MLIP: variants seen among roughly 807,000 people sequenced by gnomAD.
The protein encoded by MLIP is muscular LMNA interacting protein, also known as muscular LMNA-interacting protein.
Under a neutral mutation model 84.8 loss-of-function variants are expected in MLIP, and 79 were observed. That is an observed-to-expected ratio of 0.93 (90% CI 0.78 to 1.12). The LOEUF (loss-of-function observed/expected upper bound fraction) is 1.12. Ranked by LOEUF, MLIP falls within the 50% of genes most tolerant of loss-of-function variation. The probability of loss-of-function intolerance (pLI) is 0.00; values close to 1 mark genes in which losing one functional copy is unlikely to be tolerated. For synonymous variants in MLIP, 504 were observed against 463.0 expected, an observed-to-expected ratio of 1.09 and a Z score of -1.14; for missense variants, 1,257 against 1,160.6, an observed-to-expected ratio of 1.08 and a Z score of -1.21.
At chr6:54,240,198 T>C (rs538290912) in intron 12 of MLIP, among the ~76,000 whole-genome samples, 1 of 152,374 alleles carries the variant, frequency 6.6e-6, no homozygotes, top group East Asian at 1.9e-4. Context: ...TATATGAAAG[T>C]AAAACTGTCA....
intron 3 of MLIP, among the ~76,000 whole-genome samples, chr6:54,133,265 A>G (rs1771532774): frequency 6.6e-6 from 1 of 152,184 alleles, no homozygotes; most frequent in Non-Finnish European, 1.5e-5. Flanking sequence ...GGCTGCAACT[A>G]CAAGTAAGAA....
chr6:54,155,099 T>C (rs1034438637), intron 5 of MLIP, among the ~76,000 whole-genome samples: 4 of 152,158 alleles, frequency 2.6e-5, no homozygotes, highest in Non-Finnish European at 5.9e-5. Context: ...CAGTTCTTGA[T>C]ATTTTTAAAC....
intron 11 of MLIP, among the ~76,000 whole-genome samples, chr6:54,219,439 A>G (rs1780083068): frequency 7.1e-6 from 1 of 141,122 alleles, no homozygotes; most frequent in Admixed American, 7.7e-5. Flanking sequence ...ATCACAAGAC[A>G]TCACTCTGCA....
intron 11 of MLIP, among the ~76,000 whole-genome samples, chr6:54,224,603 A>C (rs1780450196): frequency 6.6e-6 from 1 of 151,958 alleles, no homozygotes; most frequent in South Asian, 2.1e-4. Context: ...TTTTTACATA[A>C]GTTATTGGGG....
intron 3 of MLIP, among the ~76,000 whole-genome samples, chr6:54,134,447 T>C (rs1377627666): frequency 6.6e-6 from 1 of 151,774 alleles, no homozygotes; most frequent in Non-Finnish European, 1.5e-5. Flanking sequence ...TATTAATATA[T>C]TAAGAAAATA....
At chr6:54,211,348 T>C (rs1467477328) in intron 11 of MLIP, among the ~76,000 whole-genome samples, 4 of 152,188 alleles carry the variant, frequency 2.6e-5, no homozygotes, top group Non-Finnish European at 5.9e-5. Context: ...AATAGAGTTG[T>C]TTTTCTCTCT....
chr6:54,149,748 A>AAG (rs1338537702), intron 5 of MLIP, among the ~76,000 whole-genome samples: 2 of 152,170 alleles, frequency 1.3e-5, no homozygotes, highest in African/African-American at 4.8e-5. Flanking sequence ...ACATGACTCC[A>AAG]AGAGATTTTT....
chr6:54,027,555 A>G lies in MLIP; in HGVS notation c.63+8464A>G, dbSNP rs1339513278. On this transcript the variant is annotated intron_variant, in intron 1 of 12. Transcript: ENST00000274897. ...TTAGTTCCTTTGCAACCTTAATTTT[A>G]GCCCCTCTGCATCACTGGTGGTTGA... Among the ~76,000 whole-genome samples the G allele has an allele frequency of 2.0e-5, 3 of 152,192 alleles. No individual in the cohort carries two copies. In the East Asian group the frequency reaches 5.8e-4, roughly 29 times the overall value.
intron 1 of MLIP, among the ~76,000 whole-genome samples, chr6:54,091,072 C>A (rs1767840109): frequency 6.6e-6 from 1 of 152,126 alleles, no homozygotes. Flanking sequence ...TGCCTCTACT[C>A]ACTAGAGGCC....
intron 1 of MLIP, among the ~76,000 whole-genome samples, chr6:54,073,932 C>T (rs1034564099): frequency 6.6e-6 from 1 of 152,200 alleles, no homozygotes; most frequent in Non-Finnish European, 1.5e-5. Context: ...ATTAACTCCA[C>T]AATTTATAAT....
chr6:54,154,954 T>A (rs568543009), intron 5 of MLIP, among the ~76,000 whole-genome samples: 11 of 152,058 alleles, frequency 7.2e-5, no homozygotes, highest in African/African-American at 2.7e-4. Flanking sequence ...AAGTATAGAT[T>A]CCCCTACCAT....
chr6:54,089,373 T>C (rs1316864693), intron 1 of MLIP, among the ~76,000 whole-genome samples: 3 of 152,160 alleles, frequency 2.0e-5, no homozygotes, highest in Admixed American at 2.0e-4. Context: ...TGCTAACTGA[T>C]TAGTTTTATA....
intron 1 of MLIP, among the ~76,000 whole-genome samples, chr6:54,076,084 A>G (rs1196400050): frequency 6.6e-6 from 1 of 152,178 alleles, no homozygotes; most frequent in Admixed American, 6.5e-5. Context: ...ATTAAAGCCT[A>G]TTGCTCTGGT....
intron 5 of MLIP, among the ~76,000 whole-genome samples, chr6:54,159,705 GAA>G (rs1292397676): frequency 2.0e-5 from 3 of 152,000 alleles, no homozygotes; most frequent in Non-Finnish European, 4.4e-5. Flanking sequence ...GGAGAATCTG[GAA>G]AAGAGAGTGC....
At chr6:54,251,062 T>A (rs1185663366) in intron 12 of MLIP, among the ~76,000 whole-genome samples, 1 of 152,058 alleles carries the variant, frequency 6.6e-6, no homozygotes, top group South Asian at 2.1e-4. Context: ...GTGCCTGACC[T>A]ATTAGCAGGT....
Position 54,124,703 on chromosome 6 carries a change from C to G in MLIP, c.483C>G (p.Pro161=). The G allele has an allele frequency of 6.2e-7, 1 of 1,614,156 alleles. No individual in the cohort carries two copies. ...CAAGCAGAAAAGTTGAACAAGGCCCCCCAGGGGGGATTGGCACCGCAGCTG... is the reference window on the plus strand; with the variant it reads ...CAAGCAGAAAAGTTGAACAAGGCCCGCCAGGGGGGATTGGCACCGCAGCTG... ...EAASRKVEQG[P]PGGIGTAAVR... The change falls in exon 3 of 14, where the codon CCC becomes CCG. Residue 161 remains proline, a synonymous_variant. Coordinates refer to ENST00000502396, the MANE Select transcript of MLIP (RefSeq NM_001281747.2).
At chr6:54,248,774 T>A (rs1782256570) in intron 12 of MLIP, among the ~76,000 whole-genome samples, 1 of 152,110 alleles carries the variant, frequency 6.6e-6, no homozygotes, top group South Asian at 2.1e-4. Context: ...AAAATTCCTA[T>A]GTTTTCTTAT....
Position 54,245,807 on chromosome 6 carries a change from C to T in MLIP, c.2923-11501C>T, listed in dbSNP as rs187930551. Among the ~76,000 whole-genome samples the T allele has an allele frequency of 1.2e-4, 19 of 152,152 alleles. No homozygotes were observed. In the East Asian group the frequency reaches 2.9e-3, roughly 23 times the overall value. On this transcript the variant is annotated intron_variant, in intron 12 of 13. Coordinates refer to ENST00000502396, the MANE Select transcript of MLIP (RefSeq NM_001281747.2). ...TCATTGCCGTAATGTATTTTGTGAT[C>T]CTTTTACTTATCCCATGCAACAAAA...
intron 12 of MLIP, among the ~76,000 whole-genome samples, chr6:54,236,403 C>A (rs930412154): frequency 1.3e-5 from 2 of 152,152 alleles, no homozygotes; most frequent in Non-Finnish European, 2.9e-5. Flanking sequence ...GAGTTGGAGA[C>A]CAGCCTGGCC....
Sources: allele counts gnomAD v4.1 joint callset (sites outside exome capture counted in the v4.1 genomes callset), GRCh38; gene constraint gnomAD v4.1.1; transcripts MANE v1.5; gene names NCBI Gene and HGNC (gene_info 2026-07-23, HGNC 2026-07-21).